The following XPO6 variants were observed in gnomAD, a reference collection of about 807,000 sequenced individuals.
The protein encoded by XPO6 is exportin 6.
In XPO6, 3 loss-of-function variants were observed where a neutral mutation model predicts 130.0. The ratio of observed to expected loss-of-function variants is 0.02; its 90% CI spans 0.01 to 0.06. The LOEUF (loss-of-function observed/expected upper bound fraction) is 0.06. XPO6 is among the 10% of genes least tolerant of loss of function. The pLI, the probability that XPO6 is intolerant of heterozygous loss-of-function variation, is 1.00. For missense variants in XPO6, 970 were observed against 1,393.0 expected (o/e 0.70, Z 4.83); for synonymous variants, 524 against 548.9 (o/e 0.95, Z 0.63).
intron 1 of XPO6, among the ~76,000 whole-genome samples, chr16:28,209,496 C>T (rs1165391419): frequency 2.0e-5 from 3 of 151,790 alleles, no homozygotes; most frequent in Non-Finnish European, 4.4e-5. Flanking sequence ...AAAATTTAGC[C>T]GGGCATGGTG....
At chr16:28,156,021 A>G (rs1482508126) in intron 7 of XPO6, 53 bp downstream of exon 7, 21 of 1,543,576 alleles carry the variant, frequency 1.4e-5, no homozygotes, top group Non-Finnish European at 1.8e-5. Context: ...CAGCATGGTA[A>G]ACAGTCAGGG....
In XPO6 at chr16:28,176,078, C is replaced by T; in HGVS notation, c.225G>A (p.Met75Ile). Reference sequence around the variant, plus strand: ...TATCCTGAGATGGGACCCCAAGCCACATTTTATTGATCAGATTCTGAAAAA... The same window carrying T: ...TATCCTGAGATGGGACCCCAAGCCATATTTTATTGATCAGATTCTGAAAAA... ...LTVFENLINK[M>I]WLGVPSQDKM... Residue 75 changes from methionine (M) to isoleucine (I), a missense_variant, in exon 4 of 24, where the codon ATG becomes ATA. This residue lies in a region of XPO6 where 936 missense variants were observed against 1,306.8 expected (regional missense o/e 0.72). Coordinates refer to ENST00000304658, the MANE Select transcript of XPO6 (RefSeq NM_015171.4). 1 of 1,614,136 alleles carries T rather than the reference C, an allele frequency of 6.2e-7. No homozygotes were observed. Among genetic ancestry groups the T allele is most frequent in the African/African-American group, 1.3e-5 (1 of 75,048 alleles).
At chr16:28,178,382 C>A (rs1022714422) in intron 2 of XPO6, among the ~76,000 whole-genome samples, 14 of 151,728 alleles carry the variant, frequency 9.2e-5, no homozygotes, top group Non-Finnish European at 1.9e-4. Context: ...CCAGCCTGGG[C>A]AACACTGAGA....
At chr16:28,208,797 G>A (rs1171449452) in intron 1 of XPO6, among the ~76,000 whole-genome samples, 2 of 152,184 alleles carry the variant, frequency 1.3e-5, no homozygotes, top group Non-Finnish European at 2.9e-5. Flanking sequence ...TTTCCCAAGG[G>A]GAGGAATGTG....
At chr16:28,178,774 AAAAC>A (rs1279292373) in intron 2 of XPO6, among the ~76,000 whole-genome samples, 1 of 151,946 alleles carries the variant, frequency 6.6e-6, no homozygotes, top group Non-Finnish European at 1.5e-5. Flanking sequence ...CAAAAAAAAA[AAAAC>A]AAAAAAAGGC....
At chr16:28,171,685 A>G (rs1457039240) in intron 4 of XPO6, among the ~76,000 whole-genome samples, 1 of 152,174 alleles carries the variant, frequency 6.6e-6, no homozygotes, top group East Asian at 1.9e-4. Flanking sequence ...TCTCTTGAAC[A>G]CTAAAACTTT....
At chr16:28,148,676 AG>A (rs1425278434) in intron 8 of XPO6, among the ~76,000 whole-genome samples, 4 of 152,218 alleles carry the variant, frequency 2.6e-5, no homozygotes, top group African/African-American at 9.6e-5. Context: ...AAAGAAACCA[AG>A]GCTCAAAAGT....
intron 20 of XPO6, 73 bp from the exon 21 acceptor site, chr16:28,104,780 T>C: frequency 1.9e-6 from 3 of 1,563,880 alleles, no homozygotes; most frequent in East Asian, 2.3e-5. Flanking sequence ...GCAGCAAAGA[T>C]GCCTAGGAGA....
At chr16:28,147,204 A>G (rs2042999493) in intron 8 of XPO6, among the ~76,000 whole-genome samples, 1 of 152,232 alleles carries the variant, frequency 6.6e-6, no homozygotes, top group African/African-American at 2.4e-5. Flanking sequence ...TGCCCAAGAA[A>G]TAACTAACAA....
chr16:28,138,325 T>A (rs527792176), intron 9 of XPO6, among the ~76,000 whole-genome samples: 1 of 152,168 alleles, frequency 6.6e-6, no homozygotes, highest in Non-Finnish European at 1.5e-5. Context: ...GAAAATCTAC[T>A]TCAGACCAGA....
At chr16:28,169,939 G>A (rs573675652) in intron 4 of XPO6, 30 bp from the exon 5 acceptor site, 1 of 1,611,414 alleles carries the variant, frequency 6.2e-7, no homozygotes, top group African/African-American at 1.3e-5. Flanking sequence ...TCTGAGCAGA[G>A]TGTTGGACTA....
chr16:28,121,526 C>A (rs948982373), intron 14 of XPO6, 144 bp downstream of exon 14: 10 of 695,994 alleles, frequency 1.4e-5, no homozygotes, highest in Non-Finnish European at 2.3e-5. Context: ...TCAAAAAAAT[C>A]TCTCTCTCTT....
intron 5 of XPO6, 64 bp downstream of exon 5, chr16:28,169,686 C>A (rs2141850818): frequency 6.3e-7 from 1 of 1,582,830 alleles, no homozygotes; most frequent in South Asian, 1.2e-5. Flanking sequence ...TGCTGAGTGC[C>A]AAGGCCTGAA....
At chr16:28,131,328 A>G (rs1334147954) in intron 12 of XPO6, among the ~76,000 whole-genome samples, 6 of 152,182 alleles carry the variant, frequency 3.9e-5, no homozygotes, top group African/African-American at 1.4e-4. Context: ...AGGCTCTGCC[A>G]TGAATCACAA....
At chr16:28,134,144 T>C (rs1291871822) in intron 10 of XPO6, among the ~76,000 whole-genome samples, 1 of 152,198 alleles carries the variant, frequency 6.6e-6, no homozygotes, top group Non-Finnish European at 1.5e-5. Flanking sequence ...ATGATCCACA[T>C]AGAATAAGCT....
intron 12 of XPO6, among the ~76,000 whole-genome samples, chr16:28,128,901 A>C (rs1208843859): frequency 6.6e-6 from 1 of 152,184 alleles, no homozygotes; most frequent in East Asian, 1.9e-4. Context: ...GTAACCCCTC[A>C]TTACCCTCCT....
chr16:28,186,374 C>CTTTTTTTTTTTTTTTTCTTTTT (rs2043694430), intron 1 of XPO6, among the ~76,000 whole-genome samples: 2 of 81,440 alleles, frequency 2.5e-5, no homozygotes, highest in Non-Finnish European at 2.1e-5. Context: ...CCCAGTTATT[C>CTTTTTTTTTTTTTTTTCTTTTT]TTTTTTTTTT....
chr16:28,106,790 C>T lies in XPO6; in HGVS notation c.2498-293G>A, dbSNP rs1157070393. Among the ~76,000 whole-genome samples, 1 of 152,208 alleles carries T rather than the reference C, an allele frequency of 6.6e-6. No individual in the cohort carries two copies. The highest frequency in any genetic ancestry group is 1.5e-5 in the Non-Finnish European group (1 of 68,036). On this transcript the variant is annotated intron_variant, in intron 18 of 23. Coordinates refer to ENST00000304658, the MANE Select transcript of XPO6 (RefSeq NM_015171.4). The surrounding 1 kb of genome is among the most constrained non-coding windows in gnomAD (Gnocchi z 4.2). ...ACATCCAGTGATGGTCAGAGTTTCA[C>T]TGGAGAGGGATCACTTTGTGCCCAC...
intron 17 of XPO6, among the ~76,000 whole-genome samples, chr16:28,110,566 T>C (rs993740185): frequency 1.3e-5 from 2 of 152,156 alleles, no homozygotes; most frequent in Non-Finnish European, 1.5e-5. Flanking sequence ...ACTGAGCATA[T>C]CCTCGCCCAT....
Sources: allele counts gnomAD v4.1 joint callset (sites outside exome capture counted in the v4.1 genomes callset), GRCh38; gene constraint gnomAD v4.1.1; regional missense constraint gnomAD v4.1.1; non-coding constraint Gnocchi (gnomAD v3.1); transcripts MANE v1.5; gene names NCBI Gene and HGNC (gene_info 2026-07-23, HGNC 2026-07-21).